Variants in EYA4 observed in about 807,000 individuals in gnomAD.
EYA4 encodes protein phosphatase EYA4.
EYA4 carries 31 observed loss-of-function variants against 87.9 expected under a neutral mutation model. The ratio of observed to expected loss-of-function variants is 0.35; its 90% CI spans 0.27 to 0.48. The LOEUF (loss-of-function observed/expected upper bound fraction) is 0.48. Ranked by LOEUF, EYA4 falls within the 20% of genes least tolerant of loss-of-function variation. The probability of loss-of-function intolerance (pLI) is 0.99; values close to 1 mark genes in which losing one functional copy is unlikely to be tolerated. For synonymous variants in EYA4, 263 were observed against 270.6 expected, an observed-to-expected ratio of 0.97 and a Z score of 0.28; for missense variants, 678 against 761.4, an observed-to-expected ratio of 0.89 and a Z score of 1.29.
intron 3 of EYA4, among the ~76,000 whole-genome samples, chr6:133,400,435 G>A (rs902569068): frequency 1.3e-5 from 2 of 151,872 alleles, no homozygotes; most frequent in Non-Finnish European, 2.9e-5. Context: ...TTGAACCCGG[G>A]AGGCGGAGGG....
At chr6:133,398,375 T>A (rs1283614694) in intron 3 of EYA4, among the ~76,000 whole-genome samples, 1 of 152,248 alleles carries the variant, frequency 6.6e-6, no homozygotes, top group Non-Finnish European at 1.5e-5. Flanking sequence ...TTTTATGCAA[T>A]AGACTTTCAT....
chr6:133,464,543 T>G (rs1458021704), intron 9 of EYA4, among the ~76,000 whole-genome samples: 1 of 152,140 alleles, frequency 6.6e-6, no homozygotes, highest in African/African-American at 2.4e-5. Context: ...TCACTCCTTA[T>G]GAAGACTGTT....
At chr6:133,304,343 G>C (rs1273589123) in intron 2 of EYA4, among the ~76,000 whole-genome samples, 6 of 152,152 alleles carry the variant, frequency 3.9e-5, no homozygotes, top group African/African-American at 1.4e-4. Flanking sequence ...CTGGAGTCTA[G>C]AGGAGGGCAC....
chr6:133,382,795 A>C (rs1354472886), intron 3 of EYA4, among the ~76,000 whole-genome samples: 1 of 21,282 alleles, frequency 4.7e-5, no homozygotes, highest in Non-Finnish European at 1.9e-4. Flanking sequence ...CTGTGTTTAC[A>C]AAAAAAAAAA....
intron 2 of EYA4, among the ~76,000 whole-genome samples, chr6:133,315,623 G>C (rs1335712760): frequency 6.6e-6 from 1 of 152,110 alleles, no homozygotes; most frequent in African/African-American, 2.4e-5. Context: ...GCAATGTTGG[G>C]AACAGAAATG....
Position 133,512,922 on chromosome 6 carries a change from G to C in EYA4, c.1385G>C (p.Ser462Thr). 2 of 1,614,108 alleles carry C rather than the reference G, an allele frequency of 1.2e-6. No homozygotes were observed. Among genetic ancestry groups the C allele is most frequent in the Non-Finnish European group, 1.7e-6 (2 of 1,179,992 alleles). ...GATGGCTTCCATGCAGCTGCAAGTA[G>C]TGCAAACCTTTGTTTGCCAACAGGT... is the stretch of plus-strand genomic sequence containing the variant. ...ATDGFHAAAS[S>T]ANLCLPTGVR... Residue 462 changes from serine to threonine, a missense_variant, in exon 16 of 20, where the codon AGT becomes ACT. By Grantham distance (58) the Ser-to-Thr change is moderately conservative. Transcript: ENST00000355286.
At chr6:133,394,433 C>T (rs541258900) in intron 3 of EYA4, among the ~76,000 whole-genome samples, 30 of 151,126 alleles carry the variant, frequency 2.0e-4, no homozygotes, top group Admixed American at 2.6e-4. Context: ...AGTTCAACAG[C>T]GGCACCTTTA....
intron 1 of EYA4, among the ~76,000 whole-genome samples, chr6:133,269,499 C>A (rs1296031341): frequency 1.0e-5 from 1 of 99,472 alleles, no homozygotes; most frequent in East Asian, 3.0e-4. Context: ...AAAAAACATA[C>A]CTTTGATCTG....
At chr6:133,445,699 C>G (rs183861486) in intron 3 of EYA4, among the ~76,000 whole-genome samples, 1 of 152,182 alleles carries the variant, frequency 6.6e-6, no homozygotes, top group East Asian at 1.9e-4. Context: ...CTGCCTCAGC[C>G]TCCGGAGTAG....
At chr6:133,499,821 T>A (rs1319450961) in intron 13 of EYA4, among the ~76,000 whole-genome samples, 1 of 151,966 alleles carries the variant, frequency 6.6e-6, no homozygotes, top group African/African-American at 2.4e-5. Context: ...CGAGAAATTA[T>A]ACTAAGCCAC....
chr6:133,483,698 GTTATTATTATTATTA>G (rs71545064), intron 13 of EYA4, among the ~76,000 whole-genome samples: 31 of 134,384 alleles, frequency 2.3e-4, no homozygotes, highest in African/African-American at 6.0e-4. Context: ...TTATTTCATT[GTTATTATTATTATTA>G]TTATTATTAT....
chr6:133,385,064 C>T (rs1481658302), intron 3 of EYA4, among the ~76,000 whole-genome samples: 2 of 151,856 alleles, frequency 1.3e-5, no homozygotes, highest in Non-Finnish European at 2.9e-5. Flanking sequence ...CTTTGGGAGG[C>T]CGAGGCGGGC....
intron 16 of EYA4, among the ~76,000 whole-genome samples, chr6:133,514,281 T>G (rs1285448593): frequency 6.6e-6 from 1 of 152,204 alleles, no homozygotes; most frequent in African/African-American, 2.4e-5. Context: ...AATAAGTAGA[T>G]TTTCTAGTTA....
chr6:133,345,383 G>A (rs146849318), intron 2 of EYA4, among the ~76,000 whole-genome samples: 160 of 152,166 alleles, frequency 1.1e-3, no homozygotes, highest in Non-Finnish European at 1.4e-3. Context: ...AGGAGTATGC[G>A]TAGTAAGTAT....
intron 19 of EYA4, among the ~76,000 whole-genome samples, chr6:133,527,644 G>C (rs1472111883): frequency 6.6e-6 from 1 of 151,902 alleles, no homozygotes; most frequent in Non-Finnish European, 1.5e-5. Flanking sequence ...TTTTAAACTG[G>C]ACCAACCACA....
intron 2 of EYA4, among the ~76,000 whole-genome samples, chr6:133,377,627 T>C (rs1208335159): frequency 6.9e-6 from 1 of 143,934 alleles, no homozygotes; most frequent in Non-Finnish European, 1.5e-5. Context: ...GCTAGAGATA[T>C]CTGGATAATT....
chr6:133,256,175 A>G (rs938947627), intron 1 of EYA4, among the ~76,000 whole-genome samples: 4 of 151,168 alleles, frequency 2.6e-5, no homozygotes, highest in Non-Finnish European at 5.9e-5. Flanking sequence ...TAGGATAAAT[A>G]ATTCTATTAA....
intron 3 of EYA4, among the ~76,000 whole-genome samples, chr6:133,392,753 C>G (rs1167273846): frequency 6.6e-6 from 1 of 152,180 alleles, no homozygotes; most frequent in African/African-American, 2.4e-5. Flanking sequence ...CTGGCCTCTT[C>G]TTTCTGACAG....
At chr6:133,354,080 C>A (rs553428390) in intron 2 of EYA4, among the ~76,000 whole-genome samples, 14 of 152,126 alleles carry the variant, frequency 9.2e-5, no homozygotes, top group African/African-American at 3.1e-4. Flanking sequence ...GTAGCTTATT[C>A]TAAGTAAACC....
Sources: gnomAD v4.1 joint callset for allele counts (sites outside exome capture counted in the v4.1 genomes callset) on GRCh38, gnomAD v4.1.1 for gene constraint, MANE v1.5 for transcripts, NCBI Gene and HGNC (gene_info 2026-07-23, HGNC 2026-07-21) for gene names.